MYO16: variants seen among roughly 807,000 people sequenced by gnomAD.
The protein encoded by MYO16 is unconventional myosin-XVI.
A neutral mutation model predicts 205.3 loss-of-function variants in MYO16; 94 were observed. The observed-to-expected ratio is 0.46, with a 90% confidence interval of 0.39 to 0.54. The LOEUF (loss-of-function observed/expected upper bound fraction) is 0.54, where lower values mean the gene tolerates loss of function less well. Ranked by LOEUF, MYO16 falls within the 20% of genes least tolerant of loss-of-function variation. The pLI, the probability that MYO16 is intolerant of heterozygous loss-of-function variation, is 0.00. For synonymous variants in MYO16, 988 were observed against 954.0 expected, an observed-to-expected ratio of 1.04 and a Z score of -0.66; for missense variants, 2,315 against 2,387.5, an observed-to-expected ratio of 0.97 and a Z score of 0.63.
intron 22 of MYO16, among the ~76,000 whole-genome samples, chr13:109,014,078 T>C (rs1885716142): frequency 1.3e-5 from 2 of 152,208 alleles, no homozygotes; most frequent in Admixed American, 1.3e-4. Flanking sequence ...TAAGTTTTCT[T>C]CTAGGGTTTT....
chr13:108,571,641 G>T, the MYO16 span, among the ~76,000 whole-genome samples: 1 of 151,922 alleles, frequency 6.6e-6, no homozygotes. Flanking sequence ...AGGTCTTGTG[G>T]GTTCTCTGGC....
At chr13:109,040,473 A>G (rs1425671197) in intron 23 of MYO16, among the ~76,000 whole-genome samples, 1 of 151,850 alleles carries the variant, frequency 6.6e-6, no homozygotes, top group Non-Finnish European at 1.5e-5. Flanking sequence ...TGTTTAATAT[A>G]TTAGCAGATA....
At position 108,629,729 on chromosome 13, in the gene MYO16, C is replaced by A. The variant is rs1252518531; in HGVS notation, c.-116C>A. 2.2e-6 allele frequency: 2 copies of A among 921,482 alleles called. No individual in the cohort carries two copies. Among genetic ancestry groups the A allele is most frequent in the Non-Finnish European group, 3.3e-6 (2 of 607,996 alleles). The allele number at this position is 921,482 out of a possible 1,614,324, so 57.1% of individuals were successfully genotyped here. ...ACAGAGCCTCCATGCAATAGTGCATCCTGAGGTAAACTGTTACCTGAGTAA... is the reference window on the plus strand; with the variant it reads ...ACAGAGCCTCCATGCAATAGTGCATACTGAGGTAAACTGTTACCTGAGTAA... On this transcript the variant is annotated 5_prime_UTR_variant, in exon 1 of 35. Transcript: ENST00000457511.
chr13:109,143,993 C>A (rs116040096), intron 32 of MYO16, among the ~76,000 whole-genome samples: 2,528 of 151,736 alleles, frequency 0.017, 62 homozygotes, highest in African/African-American at 0.057. Flanking sequence ...TTATGGGAGT[C>A]CTAACTATAC....
chr13:108,896,833 G>A (rs1227635169), intron 14 of MYO16, among the ~76,000 whole-genome samples: 1 of 152,014 alleles, frequency 6.6e-6, no homozygotes, highest in Non-Finnish European at 1.5e-5. Context: ...TTGGCCTGGT[G>A]TAACGGCATG....
intron 16 of MYO16, among the ~76,000 whole-genome samples, chr13:108,942,013 A>T (rs1383732660): frequency 6.6e-6 from 1 of 152,218 alleles, no homozygotes; most frequent in Non-Finnish European, 1.5e-5. Context: ...ACATACAGTA[A>T]ACTATTTTGT....
chr13:108,820,427 T>C lies in MYO16; in HGVS notation c.943+15T>C. 6.3e-7 allele frequency: 1 copy of C among 1,591,922 alleles called. No individual in the cohort carries two copies. The highest frequency in any genetic ancestry group is 8.6e-7 in the Non-Finnish European group (1 of 1,166,408). On this transcript the variant is annotated intron_variant, in intron 8 of 34. Coordinates refer to ENST00000457511, the MANE Select transcript of MYO16 (RefSeq NM_001198950.3). Reference sequence around the variant, plus strand: ...GAAGGCGTCAGGTAGGTTAGGAGCATCCTTGGACCATTGAGCAGGTACTGT... The same window carrying C: ...GAAGGCGTCAGGTAGGTTAGGAGCACCCTTGGACCATTGAGCAGGTACTGT...
intron 34 of MYO16, among the ~76,000 whole-genome samples, chr13:109,189,745 T>C (rs1879832667): frequency 1.3e-5 from 2 of 152,216 alleles, no homozygotes; most frequent in African/African-American, 4.8e-5. Flanking sequence ...GTTGCTCTCC[T>C]TCATTTCTGA....
intron 2 of MYO16, among the ~76,000 whole-genome samples, chr13:108,700,403 G>A (rs3903427): frequency 0.72 from 108,175 of 150,142 alleles, 39,038 homozygotes; most frequent in East Asian, 0.86. Flanking sequence ...GTTGAACTTC[G>A]GCAAGAGCAG....
intron 34 of MYO16, among the ~76,000 whole-genome samples, chr13:109,196,033 G>C (rs913349698): frequency 4.6e-5 from 7 of 152,128 alleles, no homozygotes; most frequent in Non-Finnish European, 8.8e-5. Flanking sequence ...GAGAGATTTA[G>C]TGTTTTGTAA....
chr13:108,757,560 T>C (rs1235310137), intron 4 of MYO16, among the ~76,000 whole-genome samples: 4 of 152,164 alleles, frequency 2.6e-5, no homozygotes, highest in Admixed American at 2.6e-4. Context: ...ACATGTGCCA[T>C]GTTGGTGTGC....
intron 34 of MYO16, among the ~76,000 whole-genome samples, chr13:109,182,551 T>G (rs1004838906): frequency 6.6e-6 from 1 of 152,194 alleles, no homozygotes; most frequent in Non-Finnish European, 1.5e-5. Flanking sequence ...CAATGAAGCC[T>G]CTACCTGCCT....
chr13:109,183,282 T>C (rs1594167079), intron 34 of MYO16, among the ~76,000 whole-genome samples: 1 of 152,172 alleles, frequency 6.6e-6, no homozygotes, highest in Non-Finnish European at 1.5e-5. Flanking sequence ...TTTTTTGCCA[T>C]GATGGCAATC....
chr13:108,887,362 A>T (rs1374580272), intron 13 of MYO16, among the ~76,000 whole-genome samples: 1 of 152,246 alleles, frequency 6.6e-6, no homozygotes, highest in Non-Finnish European at 1.5e-5. Flanking sequence ...AGATGTTTCC[A>T]GGCAGAAAAC....
chr13:109,120,892 A>G (rs982947737), intron 29 of MYO16, among the ~76,000 whole-genome samples: 7 of 152,058 alleles, frequency 4.6e-5, no homozygotes, highest in Admixed American at 2.0e-4. Flanking sequence ...CTCTCAAAAA[A>G]TGTCTTAATT....
intron 6 of MYO16, among the ~76,000 whole-genome samples, chr13:108,793,911 A>T (rs182877612): frequency 6.6e-6 from 1 of 152,302 alleles, no homozygotes; most frequent in Admixed American, 6.5e-5. Context: ...TTATAATAGC[A>T]AAGACATGGA....
the MYO16 span, among the ~76,000 whole-genome samples, chr13:108,574,752 ATTC>A: frequency 6.6e-6 from 1 of 151,318 alleles, no homozygotes; most frequent in African/African-American, 2.4e-5. Flanking sequence ...AGAATAAGAG[ATTC>A]TTTTTTATCC....
intron 21 of MYO16, among the ~76,000 whole-genome samples, chr13:109,003,360 G>T (rs779656403): frequency 1.5e-4 from 23 of 152,094 alleles, no homozygotes; most frequent in Non-Finnish European, 2.4e-4. Flanking sequence ...TCAATAAAAG[G>T]TTCAGGTGTA....
the MYO16 span, among the ~76,000 whole-genome samples, chr13:108,496,031 C>A: frequency 1.3e-5 from 2 of 152,144 alleles, no homozygotes. Flanking sequence ...TTCTGCACCG[C>A]CGGGCTGGGG....
Sources: gnomAD v4.1 joint callset for allele counts (sites outside exome capture counted in the v4.1 genomes callset) on GRCh38, gnomAD v4.1.1 for gene constraint, MANE v1.5 for transcripts, NCBI Gene and HGNC (gene_info 2026-07-23, HGNC 2026-07-21) for gene names.